The following PDZRN3 variants were observed in gnomAD, a reference collection of about 807,000 sequenced individuals.
PDZRN3 encodes E3 ubiquitin-protein ligase PDZRN3.
A neutral mutation model predicts 85.7 loss-of-function variants in PDZRN3; 38 were observed. The observed-to-expected ratio is 0.44, with a 90% CI of 0.34 to 0.58. PDZRN3 has a LOEUF of 0.58. PDZRN3 is among the 20% of genes least tolerant of loss of function. The pLI is 0.01. For missense variants in PDZRN3, 1,629 were observed against 1,506.4 expected (o/e 1.08, Z -1.35); for synonymous variants, 759 against 638.0 (o/e 1.19, Z -2.86).
intron 3 of PDZRN3, among the ~76,000 whole-genome samples, chr3:73,419,658 T>C (rs567678385): frequency 1.3e-5 from 2 of 152,352 alleles, no homozygotes; most frequent in African/African-American, 4.8e-5. Flanking sequence ...AAGCTTTTCT[T>C]TGACCTCGTT....
intron 5 of PDZRN3, among the ~76,000 whole-genome samples, chr3:73,394,729 T>C (rs1198892390): frequency 6.6e-6 from 1 of 152,206 alleles, no homozygotes; most frequent in Non-Finnish European, 1.5e-5. Flanking sequence ...AAGCTTCATT[T>C]AGAAGGCACA....
intron 3 of PDZRN3, among the ~76,000 whole-genome samples, chr3:73,456,422 T>C (rs1015049806): frequency 6.6e-6 from 1 of 152,248 alleles, no homozygotes; most frequent in Non-Finnish European, 1.5e-5. Context: ...AAGATTTACA[T>C]TTATGGTTGA....
Position 73,404,277 on chromosome 3 carries a change from G to A in PDZRN3, c.1037C>T (p.Thr346Met), listed in dbSNP as rs748911659. 16 of 1,614,026 alleles carry A rather than the reference G, an allele frequency of 9.9e-6. No individual in the cohort carries two copies. The highest frequency in any genetic ancestry group is 4.0e-5 in the African/African-American group (3 of 74,896). ...CACCAGCTGAGACTCTGATGGAGGC[G>A]TGAACATTTTGGTCCTTGGTGTTCT... ...LRRTPRTKMF[T>M]PPSESQLVDT... Residue 346 changes from threonine to methionine, a missense_variant, in exon 4 of 10, where the codon ACG becomes ATG. By Grantham distance (81) the Thr-to-Met change is moderately conservative. Transcript: ENST00000263666.
At chr3:73,525,186 T>C (rs1053376580) in intron 3 of PDZRN3, among the ~76,000 whole-genome samples, 1 of 152,138 alleles carries the variant, frequency 6.6e-6, no homozygotes, top group Non-Finnish European at 1.5e-5. Flanking sequence ...GCAAATAAAT[T>C]AACATTCATT....
At chr3:73,433,905 A>AGCAT (rs1176373348) in intron 3 of PDZRN3, 22 of 1,428,900 alleles carry the variant, frequency 1.5e-5, no homozygotes, top group Non-Finnish European at 1.9e-5. Flanking sequence ...CTCCCCTCGC[A>AGCAT]GCATGCATGC....
At chr3:73,573,811 C>A (rs7374544) in intron 3 of PDZRN3, among the ~76,000 whole-genome samples, 3,958 of 149,124 alleles carry the variant, frequency 0.027, 157 homozygotes, top group African/African-American at 0.083. Flanking sequence ...ACACATACAC[C>A]TATACATATA....
At chr3:73,477,587 C>T (rs189253246) in intron 3 of PDZRN3, among the ~76,000 whole-genome samples, 263 of 152,280 alleles carry the variant, frequency 1.7e-3, no homozygotes, top group Non-Finnish European at 2.3e-3. Context: ...AAAACAAACG[C>T]TCATGAGCAA....
rs934097191 is a variant in PDZRN3 at position 73,451,819 on chromosome 3, A to G, written c.919-47424T>C. On this transcript the variant is annotated intron_variant, in intron 3 of 9. Transcript: ENST00000263666. ...ATGATAGGTCATCAGCTTTCTGCCT[A>G]TTGAATCCCGCAGATGCTCTAGCTT... Among the ~76,000 whole-genome samples, 8 of 151,780 alleles carry G rather than the reference A, an allele frequency of 5.3e-5. No individual in the cohort carries two copies. In the East Asian group the frequency reaches 1.2e-3, roughly 22 times the overall value.
chr3:73,507,417 G>A (rs1254465205), intron 3 of PDZRN3, among the ~76,000 whole-genome samples: 3 of 152,116 alleles, frequency 2.0e-5, no homozygotes, highest in African/African-American at 7.2e-5. Context: ...TGATCCGCCC[G>A]CCTTGGCCTC....
chr3:73,429,142 C>T (rs1702379637), intron 3 of PDZRN3, among the ~76,000 whole-genome samples: 1 of 152,126 alleles, frequency 6.6e-6, no homozygotes, highest in Non-Finnish European at 1.5e-5. Context: ...AACTCCTGGG[C>T]TCGAGCAATC....
chr3:73,552,099 C>G (rs987796596), intron 3 of PDZRN3, among the ~76,000 whole-genome samples: 4 of 152,164 alleles, frequency 2.6e-5, no homozygotes, highest in African/African-American at 9.7e-5. Context: ...ACTCCAATCA[C>G]CTGGGGCACA....
chr3:73,494,745 G>A (rs1184427628), intron 3 of PDZRN3, among the ~76,000 whole-genome samples: 1 of 152,028 alleles, frequency 6.6e-6, no homozygotes, highest in Non-Finnish European at 1.5e-5. Flanking sequence ...TTATTTGAAG[G>A]ACACTTATGT....
chr3:73,580,075 G>T (rs998107717), intron 3 of PDZRN3, among the ~76,000 whole-genome samples: 2 of 152,104 alleles, frequency 1.3e-5, no homozygotes, highest in African/African-American at 2.4e-5. Flanking sequence ...GCTCCTATGG[G>T]TGTTGATTTA....
At chr3:73,453,707 C>T (rs572188541) in intron 3 of PDZRN3, among the ~76,000 whole-genome samples, 1 of 152,090 alleles carries the variant, frequency 6.6e-6, no homozygotes, top group South Asian at 2.1e-4. Flanking sequence ...TAAATTTCTC[C>T]AAAGAGAACG....
At chr3:73,485,504 C>T (rs1192606269) in intron 3 of PDZRN3, among the ~76,000 whole-genome samples, 4 of 152,086 alleles carry the variant, frequency 2.6e-5, no homozygotes, top group Non-Finnish European at 5.9e-5. Context: ...AGTTTTCCTA[C>T]TACTACTTGG....
intron 3 of PDZRN3, among the ~76,000 whole-genome samples, chr3:73,440,865 C>T (rs1211291901): frequency 2.0e-5 from 3 of 152,090 alleles, no homozygotes; most frequent in Non-Finnish European, 2.9e-5. Flanking sequence ...TACTAACAGT[C>T]GGGCAGTCCT....
chr3:73,610,291 C>T (rs528807489), intron 1 of PDZRN3, among the ~76,000 whole-genome samples: 2 of 152,184 alleles, frequency 1.3e-5, no homozygotes. Context: ...TAGTCTCTAT[C>T]AAGTTACTGT....
chr3:73,579,377 T>C lies in PDZRN3; in HGVS notation c.918+22977A>G, dbSNP rs1298984906. Among the ~76,000 whole-genome samples the C allele has an allele frequency of 3.3e-5, 5 of 152,208 alleles. No individual in the cohort carries two copies. The East Asian group carries it at 9.6e-4, about 29-fold the overall frequency. ...AACAACCTACATAGATAAAAGGTAG[T>C]CCTACTCTGTGGGGTCTAAAGCCAA... On this transcript the variant is annotated intron_variant, in intron 3 of 9. Transcript: ENST00000263666.
chr3:73,443,090 G>A (rs1316073227), intron 3 of PDZRN3, among the ~76,000 whole-genome samples: 1 of 152,152 alleles, frequency 6.6e-6, no homozygotes, highest in Non-Finnish European at 1.5e-5. Context: ...CCGGCCCAGT[G>A]GGTGTCAGTG....
Sources: gnomAD v4.1 joint callset for allele counts (sites outside exome capture counted in the v4.1 genomes callset) on GRCh38, gnomAD v4.1.1 for gene constraint, MANE v1.5 for transcripts, NCBI Gene and HGNC (gene_info 2026-07-23, HGNC 2026-07-21) for gene names.